Variants in ARFGAP2 observed in about 807,000 individuals in gnomAD.
ARFGAP2 encodes ADP-ribosylation factor GTPase-activating protein 2.
In ARFGAP2, 45 loss-of-function variants were observed where a neutral mutation model predicts 71.9. That is an observed-to-expected ratio of 0.63 (90% confidence interval 0.49 to 0.80). The LOEUF (loss-of-function observed/expected upper bound fraction) is 0.80. Ranked by LOEUF, ARFGAP2 falls within the 30% of genes least tolerant of loss-of-function variation. ARFGAP2 has a pLI of 0.00. For missense variants in ARFGAP2, 633 were observed against 673.9 expected, an observed-to-expected ratio of 0.94 and a Z score of 0.67; for synonymous variants, 248 against 249.2, an observed-to-expected ratio of 1.00 and a Z score of 0.05.
chr11:47,169,968 A>T (rs1952529785), intron 10 of ARFGAP2, among the ~76,000 whole-genome samples: 1 of 152,244 alleles, frequency 6.6e-6, no homozygotes, highest in Admixed American at 6.5e-5. Context: ...AAGCAGGGAA[A>T]GGAGGGAGAC....
rs1952859523 is a variant in ARFGAP2, at chr11:47,176,875, A to ACCGCGGCTGACGGGTCCCGCCG, written c.-23_-22insCGGCGGGACCCGTCAGCCGCGG. ...CCATTTTCTCTCCTTCCCAGACACA[A>ACCGCGGCTGACGGGTCCCGCCG]CCGCGGCTGACGGGTCCCGCCGCGG... is the stretch of plus-strand genomic sequence containing the variant. On this transcript the variant is annotated 5_prime_UTR_variant, in exon 1 of 16. Coordinates refer to ENST00000524782, the MANE Select transcript of ARFGAP2 (RefSeq NM_032389.6). 6.8e-6 allele frequency: 11 copies of ACCGCGGCTGACGGGTCCCGCCG among 1,606,422 alleles called. No individual in the cohort carries two copies. The highest frequency in any genetic ancestry group is 9.3e-6 in the Non-Finnish European group (11 of 1,176,718).
chr11:47,166,528 G>C lies in ARFGAP2; in HGVS notation c.1404C>G (p.Asp468Glu), dbSNP rs916942233. The C allele has an allele frequency of 8.7e-6, 14 of 1,612,524 alleles. No homozygotes were observed. The highest frequency in any genetic ancestry group is 1.2e-5 in the Non-Finnish European group (14 of 1,180,018). Reference sequence around the variant, plus strand: ...TACCTGCTCCGTGAGCTCCATCCATGTCCCCAAAGAGGTCTGAAGAGCTGA... The same window carrying C: ...TACCTGCTCCGTGAGCTCCATCCATCTCCCCAAAGAGGTCTGAAGAGCTGA... ...SAISSSDLFG[D>E]MDGAHGAGSV... Residue 468 changes from aspartate (D) to glutamate (E), a missense_variant, in exon 14 of 16, where the codon GAC becomes GAG. Coordinates refer to ENST00000524782, the MANE Select transcript of ARFGAP2 (RefSeq NM_032389.6).
In ARFGAP2 at chr11:47,165,378, G is replaced by C; in HGVS notation, c.*104C>G. 2 of 1,448,142 alleles carry C rather than the reference G, an allele frequency of 1.4e-6. No homozygotes were observed. Among genetic ancestry groups the C allele is most frequent in the Non-Finnish European group, 1.9e-6 (2 of 1,073,686 alleles). The allele number at this position is 1,448,142 out of a possible 1,614,324, so 89.7% of individuals were successfully genotyped here. A position where few individuals can be genotyped will look rare whatever the true frequency, so the allele number is the denominator to read the frequency against. ...CCCACACACACACCACACATACGAA[G>C]TAACAAATCCTCCCCAGCTTCCACA... On this transcript the variant is annotated 3_prime_UTR_variant, in exon 16 of 16. Transcript: ENST00000524782.
In ARFGAP2 at chr11:47,173,460, T is replaced by C; in HGVS notation, c.585A>G (p.Thr195=). ...CTTTGGGTGAGGTGCCAAGCAGGTC[T>C]GTGTTGGGGCCATGCTCCGGCTCTG... ...GLAQPEHGPN[T]DLLGTSPKAS... Residue 195 remains threonine (T), a synonymous_variant, in exon 7 of 16, where the codon ACA becomes ACG. Coordinates refer to ENST00000524782, the MANE Select transcript of ARFGAP2 (RefSeq NM_032389.6). The C allele has an allele frequency of 6.4e-7, 1 of 1,559,174 alleles. No homozygotes were observed. Among genetic ancestry groups the C allele is most frequent in the African/African-American group, 1.4e-5 (1 of 73,696 alleles).
At chr11:47,167,324 G>A (rs932095271) in intron 12 of ARFGAP2, among the ~76,000 whole-genome samples, 2 of 152,180 alleles carry the variant, frequency 1.3e-5, no homozygotes, top group Admixed American at 6.6e-5. Flanking sequence ...TCCTGGTGTG[G>A]AAAGGGAGAT....
At chr11:47,173,101 C>G in intron 7 of ARFGAP2, 1 of 416,806 alleles carries the variant, frequency 2.4e-6, no homozygotes, top group Non-Finnish European at 4.5e-6. Context: ...ATGCACCAGA[C>G]AAGCCAGCCC....
At chr11:47,172,369 A>C in intron 7 of ARFGAP2, 36 bp from the exon 8 acceptor site, 1 of 1,611,320 alleles carries the variant, frequency 6.2e-7, no homozygotes, top group East Asian at 2.2e-5. Context: ...GCTAAGACAA[A>C]GGCAGCTCAG....
intron 2 of ARFGAP2, 176 bp downstream of exon 2, chr11:47,176,340 A>G (rs1384864622): frequency 4.6e-6 from 3 of 648,930 alleles, no homozygotes; most frequent in Non-Finnish European, 2.7e-6. Flanking sequence ...CGGACCGCCC[A>G]TGTGCCAAAG....
chr11:47,164,324 A>G lies in ARFGAP2; in HGVS notation c.*1158T>C, dbSNP rs372697603. The G allele has an allele frequency of 3.4e-5, 49 of 1,455,068 alleles. No individual in the cohort carries two copies. In the African/African-American group the frequency reaches 5.8e-4, roughly 17 times the overall value. 90.1% of individuals were successfully genotyped at this position (1,455,068 alleles called of 1,614,324 possible). A position where few individuals can be genotyped will look rare whatever the true frequency, so the allele number is the denominator to read the frequency against. ...GCTTCACTCAGACCAACAGGGAGCCAGGCCCTGCAGGGGCTTTATTTTGAC... is the reference window on the plus strand; with the variant it reads ...GCTTCACTCAGACCAACAGGGAGCCGGGCCCTGCAGGGGCTTTATTTTGAC... On this transcript the variant is annotated 3_prime_UTR_variant, in exon 16 of 16. Transcript: ENST00000524782.
At chr11:47,174,465 G>T (rs1336150794) in intron 5 of ARFGAP2, 1 of 136,618 alleles carries the variant, frequency 7.3e-6, no homozygotes, top group Non-Finnish European at 1.5e-5. Context: ...GCGCAATCTC[G>T]GCTCACTGCA....
rs1952372319 is a variant in ARFGAP2, at chr11:47,166,286, A to G, written c.1527T>C (p.Gly509=). The part of the protein sequence containing the change: ...VAGKMAVLAN[G]VMNSLQDRYG... ...GCCTCACCTGCAAGGAATTCATCAC[A>G]CCATTGGCCAGCACAGCCATTTTCC... Residue 509 remains glycine (G), a synonymous_variant, in exon 15 of 16, where the codon GGT becomes GGC. Coordinates refer to ENST00000524782, the MANE Select transcript of ARFGAP2 (RefSeq NM_032389.6). 2.5e-6 allele frequency: 4 copies of G among 1,614,010 alleles called. No homozygotes were observed. Among genetic ancestry groups the G allele is most frequent in the Non-Finnish European group, 3.4e-6 (4 of 1,179,976 alleles).
intron 9 of ARFGAP2, 32 bp from the exon 10 acceptor site, chr11:47,171,589 A>T (rs1590954181): frequency 6.2e-7 from 1 of 1,613,708 alleles, no homozygotes; most frequent in South Asian, 1.1e-5. Context: ...AGTGGCCACC[A>T]CCCATCCTGA....
rs1421267229 is a variant in ARFGAP2, at chr11:47,175,606, A to G, written c.264+245T>C. The G allele has an allele frequency of 8.1e-6, 5 of 619,490 alleles. No homozygotes were observed. The East Asian group carries it at 8.8e-5, about 11-fold the overall frequency. The allele number at this position is 619,490 out of a possible 1,614,324, so 38.4% of individuals were successfully genotyped here. A position where few individuals can be genotyped will look rare whatever the true frequency, so the allele number is the denominator to read the frequency against. ...ATCCAGGGCAGGCCCACAAGACCCA[A>G]TGACTGTGAAGGCTCCCAACTCCTG... On this transcript the variant is annotated intron_variant, in intron 3 of 15. Transcript: ENST00000524782.
At position 47,168,053 on chromosome 11, in the gene ARFGAP2, C is replaced by T. The variant is rs779943165; in HGVS notation, c.1071-10G>A. 6 of 1,614,018 alleles carry T rather than the reference C, an allele frequency of 3.7e-6. No individual in the cohort carries two copies. The African/African-American group carries it at 4.0e-5, about 11-fold the overall frequency. ...GGGATTGTCCTTGTACCTAGGGAGA[C>T]AGTAGAGTGGCTCAGAGAAGCCTGA... On this transcript the variant is annotated splice_polypyrimidine_tract_variant and intron_variant, in intron 11 of 15. Coordinates refer to ENST00000524782, the MANE Select transcript of ARFGAP2 (RefSeq NM_032389.6).
intron 10 of ARFGAP2, among the ~76,000 whole-genome samples, chr11:47,169,812 T>C (rs757798055): frequency 2.6e-5 from 4 of 151,884 alleles, no homozygotes; most frequent in Admixed American, 6.6e-5. Context: ...GGCAACGAGA[T>C]TGAAACTCTG....
At position 47,175,048 on chromosome 11, in the gene ARFGAP2, C is replaced by T. The variant is rs1952745301; in HGVS notation, c.447G>A (p.Lys149=). 1 of 1,614,198 alleles carries T rather than the reference C, an allele frequency of 6.2e-7. No individual in the cohort carries two copies. The change falls in exon 5 of 16, where the codon AAG becomes AAA. Residue 149 remains lysine, a synonymous_variant. Transcript: ENST00000524782. ...GTTCTGTGAAGAAATCAGAGTCCTT[C>T]TTCTCTGGGGAGTGATTAGGAACGG... The part of the protein sequence containing the change: ...SSAVPNHSPE[K]KDSDFFTEHT...
Position 47,165,354 on chromosome 11 carries a change from C to CCA in ARFGAP2, c.*126_*127dup, listed in dbSNP as rs1363840729. ...AGGAGTGAGCGCCTCAAAGGCCACCCCACACACACACCACACATACGAAGT... is the reference window on the plus strand; with the variant it reads ...AGGAGTGAGCGCCTCAAAGGCCACCCCACACACACACACCACACATACGAAGT... On this transcript the variant is annotated 3_prime_UTR_variant, in exon 16 of 16. Coordinates refer to ENST00000524782, the MANE Select transcript of ARFGAP2 (RefSeq NM_032389.6). The CCA allele has an allele frequency of 2.4e-5, 31 of 1,282,988 alleles. No individual in the cohort carries two copies. Among genetic ancestry groups the CCA allele is most frequent in the Admixed American group, 7.2e-5 (3 of 41,950 alleles). 79.5% of individuals were successfully genotyped at this position (1,282,988 alleles called of 1,614,324 possible).
Position 47,166,607 on chromosome 11 carries a change from G to T in ARFGAP2, c.1333-8C>A. The T allele has an allele frequency of 1.9e-6, 3 of 1,611,464 alleles. No individual in the cohort carries two copies. Among genetic ancestry groups the T allele is most frequent in the Non-Finnish European group, 8.5e-7 (1 of 1,179,850 alleles). On this transcript the variant is annotated splice_polypyrimidine_tract_variant and splice_region_variant and intron_variant, in intron 13 of 15. Coordinates refer to ENST00000524782, the MANE Select transcript of ARFGAP2 (RefSeq NM_032389.6). ...CCGAGACCTGGCCTCATACTGTGGTGAGGAAAAGGCCAGGCCTGGGGATCT... is the reference window on the plus strand; with the variant it reads ...CCGAGACCTGGCCTCATACTGTGGTTAGGAAAAGGCCAGGCCTGGGGATCT...
chr11:47,172,829 T>G, intron 7 of ARFGAP2: 22 of 1,239,244 alleles, frequency 1.8e-5, no homozygotes, highest in Middle Eastern at 2.2e-4. Flanking sequence ...CAGCGGTCTC[T>G]ATGAAGCCCT....
Sources: allele counts gnomAD v4.1 joint callset (sites outside exome capture counted in the v4.1 genomes callset), GRCh38; gene constraint gnomAD v4.1.1; transcripts MANE v1.5; gene names NCBI Gene and HGNC (gene_info 2026-07-23, HGNC 2026-07-21).